CGN: variants seen among roughly 807,000 people sequenced by gnomAD.
The protein encoded by CGN is cingulin.
A neutral mutation model predicts 157.1 loss-of-function variants in CGN; 121 were observed. The observed-to-expected ratio is 0.77, with a 90% CI of 0.66 to 0.90. The LOEUF (loss-of-function observed/expected upper bound fraction) is 0.90. CGN is among the 40% of genes least tolerant of loss of function. CGN has a pLI of 0.00. For missense variants in CGN, 1,424 were observed against 1,520.9 expected, an observed-to-expected ratio of 0.94 and a Z score of 1.06; for synonymous variants, 535 against 607.5, an observed-to-expected ratio of 0.88 and a Z score of 1.76.
At chr1:151,523,693 T>C (rs1448418417) in intron 6 of CGN, 132 bp downstream of exon 6, 2 of 892,068 alleles carry the variant, frequency 2.2e-6, no homozygotes, top group East Asian at 2.7e-5. Flanking sequence ...CAGTGTTGGT[T>C]TAAGGACAGG....
chr1:151,535,696 G>T lies in CGN; in HGVS notation c.3078+13G>T. Reference sequence around the variant, plus strand: ...CTTGGAGAGACAGGTGATGGGGGAGGGGAGGATTCTTAGGGATGGACCCCA... The same window carrying T: ...CTTGGAGAGACAGGTGATGGGGGAGTGGAGGATTCTTAGGGATGGACCCCA... On this transcript the variant is annotated intron_variant, in intron 17 of 20. Transcript: ENST00000271636. The T allele has an allele frequency of 6.2e-7, 1 of 1,612,868 alleles. No homozygotes were observed. Among genetic ancestry groups the T allele is most frequent in the Non-Finnish European group, 8.5e-7 (1 of 1,178,890 alleles).
intron 5 of CGN, among the ~76,000 whole-genome samples, chr1:151,522,299 AC>A (rs1664560150): frequency 6.6e-6 from 1 of 152,060 alleles, no homozygotes. Flanking sequence ...AATGAAGCAA[AC>A]AAAACCAGTT....
Position 151,536,818 on chromosome 1 carries a change from A to G in CGN, c.3395A>G (p.Gln1132Arg), listed in dbSNP as rs1260187601. The G allele has an allele frequency of 1.9e-6, 3 of 1,614,088 alleles. No homozygotes were observed. Among genetic ancestry groups the G allele is most frequent in the African/African-American group, 2.7e-5 (2 of 74,932 alleles). ...ERLDGLRKKA[Q>R]REVEEQHEVN... ...CTGGACGGCCTGAGGAAGAAGGCCC[A>G]GCGTGAGGTGGAGGAGCAGCATGAG... Residue 1132 changes from glutamine to arginine, a missense_variant, in exon 20 of 21, where the codon CAG (glutamine) becomes CGG (arginine). This residue lies in a region of CGN where 199 missense variants were observed against 272.2 expected (regional missense o/e 0.73). Coordinates refer to ENST00000271636, the MANE Select transcript of CGN (RefSeq NM_020770.3).
intron 10 of CGN, among the ~76,000 whole-genome samples, chr1:151,528,715 G>A (rs945084922): frequency 4.0e-5 from 6 of 151,878 alleles, no homozygotes; most frequent in African/African-American, 1.2e-4. Flanking sequence ...GGCCCCCAGT[G>A]GTTTTTATTA....
intron 1 of CGN, among the ~76,000 whole-genome samples, chr1:151,517,853 CTTT>C (rs61184418): frequency 2.9e-5 from 4 of 139,824 alleles, no homozygotes; most frequent in Non-Finnish European, 1.6e-5. Flanking sequence ...CAAGTAAAAT[CTTT>C]TTTTTTTTTT....
At chr1:151,511,011 G>A (rs898605941), upstream of CGN, 3 of 152,406 alleles carry the variant, frequency 2.0e-5, no homozygotes, top group African/African-American at 7.2e-5. The surrounding 1 kb of genome is among the most constrained non-coding windows in gnomAD (Gnocchi z 4.8). Flanking sequence ...GTAGGTGAAG[G>A]ACAGAAAGGG....
intron 14 of CGN, 62 bp downstream of exon 14, chr1:151,532,634 GTC>G: frequency 1.4e-6 from 1 of 697,912 alleles, no homozygotes; most frequent in Non-Finnish European, 1.8e-6. Flanking sequence ...TTTTTTTTTT[GTC>G]CGAGACAGAG....
chr1:151,520,647 C>G lies in CGN; in HGVS notation c.1096C>G (p.Arg366Gly). The G allele has an allele frequency of 6.2e-7, 1 of 1,614,014 alleles. No individual in the cohort carries two copies. Reference sequence around the variant, plus strand: ...CGTGGCAGGGCAGGGTGAGCTTACCCGAAAAGTGGAGGAGCTACAGCGAAA... The same window carrying G: ...CGTGGCAGGGCAGGGTGAGCTTACCGGAAAAGTGGAGGAGCTACAGCGAAA... ...KAVAGQGELT[R>G]KVEELQRKLD... Residue 366 changes from arginine to glycine, a missense_variant, in exon 5 of 21, where the codon CGA becomes GGA. Arg to Gly is a moderately radical substitution (Grantham distance 125). Around this residue, in one of 3 missense-constraint regions of CGN, gnomAD observed 1,187 missense variants for 1,217.6 expected, o/e 0.97. Coordinates refer to ENST00000271636, the MANE Select transcript of CGN (RefSeq NM_020770.3).
In CGN at chr1:151,520,266, G is replaced by A. The variant is rs758899903; in HGVS notation, c.974G>A (p.Gly325Glu). The part of the protein sequence containing the change: ...KATIYGILRE[G>E]SSESETSVRR... Reference sequence around the variant, plus strand: ...ACCATCTATGGCATCCTGAGGGAGGGGTGAGTGGGGGCCCCCCCAACAACA... The same window carrying A: ...ACCATCTATGGCATCCTGAGGGAGGAGTGAGTGGGGGCCCCCCCAACAACA... The change falls in exon 3 of 21, where the codon GGA becomes GAA. Residue 325 changes from glycine to glutamate, a missense_variant and splice_region_variant. This residue lies in a region of CGN where 1,187 missense variants were observed against 1,217.6 expected (regional missense o/e 0.97). Coordinates refer to ENST00000271636, the MANE Select transcript of CGN (RefSeq NM_020770.3). 1 of 1,611,884 alleles carries A rather than the reference G, an allele frequency of 6.2e-7. No homozygotes were observed.
intron 9 of CGN, 60 bp from the exon 10 acceptor site, chr1:151,526,915 C>T: frequency 6.2e-7 from 1 of 1,607,814 alleles, no homozygotes; most frequent in Non-Finnish European, 8.5e-7. Context: ...TGCTAACCTC[C>T]CCCAGGCATG....
chr1:151,529,282 A>G (rs1664771287), intron 10 of CGN, 68 bp from the exon 11 acceptor site: 2 of 1,356,418 alleles, frequency 1.5e-6, no homozygotes, highest in Admixed American at 3.6e-5. Context: ...TGAGAGTTTC[A>G]GCTTCTCCAC....
At chr1:151,526,948 C>T in intron 9 of CGN, 27 bp from the exon 10 acceptor site, 2 of 1,614,036 alleles carry the variant, frequency 1.2e-6, no homozygotes, top group Non-Finnish European at 1.7e-6. Context: ...GTTCCCTTTC[C>T]CCTTTATTTC....
In CGN at chr1:151,524,436, C is replaced by G; in HGVS notation, c.1401+78C>G. The G allele has an allele frequency of 6.3e-7, 1 of 1,588,318 alleles. No homozygotes were observed. The highest frequency in any genetic ancestry group is 1.1e-5 in the South Asian group (1 of 88,180). ...CCTCAAGTCTGCTCATCCATGGTTTCCCCAAAGTATGAGGAGTGGGTGGCT... is the reference window on the plus strand; with the variant it reads ...CCTCAAGTCTGCTCATCCATGGTTTGCCCAAAGTATGAGGAGTGGGTGGCT... On this transcript the variant is annotated intron_variant, in intron 7 of 20. Coordinates refer to ENST00000271636, the MANE Select transcript of CGN (RefSeq NM_020770.3). This position sits in a 1 kb window ranked among gnomAD's most constrained non-coding sequence, Gnocchi z 4.4.
chr1:151,533,782 A>C (rs992611055), intron 14 of CGN, among the ~76,000 whole-genome samples, 193 bp from the exon 15 acceptor site: 2 of 152,250 alleles, frequency 1.3e-5, no homozygotes, highest in African/African-American at 4.8e-5. Context: ...CGACAGAGCG[A>C]GACTCCATCT....
At chr1:151,515,990 C>T (rs557833129) in intron 1 of CGN, among the ~76,000 whole-genome samples, 1 of 152,276 alleles carries the variant, frequency 6.6e-6, no homozygotes, top group African/African-American at 2.4e-5. Flanking sequence ...ATCATTTTCT[C>T]ATGGAGTCCC....
At chr1:151,533,158 G>T (rs1447838236) in intron 14 of CGN, among the ~76,000 whole-genome samples, 1 of 152,200 alleles carries the variant, frequency 6.6e-6, no homozygotes, top group Non-Finnish European at 1.5e-5. Flanking sequence ...CTCCTCAGGT[G>T]ATTCCAAGTT....
At chr1:151,519,444 C>T in intron 2 of CGN, 52 bp downstream of exon 2, 1 of 1,482,656 alleles carries the variant, frequency 6.7e-7, no homozygotes, top group Non-Finnish European at 9.0e-7. Context: ...TCTCCCTTCT[C>T]ATCAGCTTTT....
intron 1 of CGN, among the ~76,000 whole-genome samples, chr1:151,517,900 G>A (rs1006091011): frequency 1.3e-4 from 20 of 150,464 alleles, no homozygotes; most frequent in Non-Finnish European, 2.5e-4. Flanking sequence ...ACCCAGGCTG[G>A]AGAACAGTGG....
intron 8 of CGN, 158 bp from the exon 9 acceptor site, chr1:151,525,484 T>A (rs373063210): frequency 1.2e-4 from 57 of 468,096 alleles, no homozygotes; most frequent in African/African-American, 1.2e-3. Context: ...GAGGAGAGAA[T>A]CTCTGCTAGC....
Sources: gnomAD v4.1 joint callset for allele counts (sites outside exome capture counted in the v4.1 genomes callset) on GRCh38, gnomAD v4.1.1 for gene constraint, gnomAD v4.1.1 regional missense constraint, Gnocchi (gnomAD v3.1) non-coding constraint, MANE v1.5 for transcripts, NCBI Gene and HGNC (gene_info 2026-07-23, HGNC 2026-07-21) for gene names.